The following WNT7B variants were observed in gnomAD, a reference collection of about 807,000 sequenced individuals.
WNT7B encodes the protein protein Wnt-7b.
A neutral mutation model predicts 38.2 loss-of-function variants in WNT7B; 19 were observed. The observed-to-expected ratio is 0.50, with a 90% CI of 0.35 to 0.73. The LOEUF (loss-of-function observed/expected upper bound fraction) is 0.73, where lower values mean the gene tolerates loss of function less well. Ranked by LOEUF, WNT7B falls within the 30% of genes least tolerant of loss-of-function variation. The pLI is 0.01. For missense variants in WNT7B, 423 were observed against 507.9 expected, an observed-to-expected ratio of 0.83 and a Z score of 1.61; for synonymous variants, 243 against 209.3, an observed-to-expected ratio of 1.16 and a Z score of -1.39.
At chr22:45,962,954 C>G (rs973839461) in intron 1 of WNT7B, among the ~76,000 whole-genome samples, 1 of 152,236 alleles carries the variant, frequency 6.6e-6, no homozygotes, top group Non-Finnish European at 1.5e-5. Context: ...GCGGCTGGGC[C>G]AGCGCCTCGG....
chr22:45,957,473 C>G (rs1022502340), intron 1 of WNT7B, among the ~76,000 whole-genome samples: 3 of 151,874 alleles, frequency 2.0e-5, no homozygotes, highest in East Asian at 1.9e-4. Context: ...CACCTAAGGT[C>G]AGGAGTTTGA....
chr22:45,972,037 G>A (rs573512932), intron 1 of WNT7B: 46 of 452,926 alleles, frequency 1.0e-4, no homozygotes, highest in Admixed American at 3.2e-4. Flanking sequence ...CGCGCGCGAC[G>A]GTCACCCGGT....
At chr22:45,925,779 C>G (rs1056009605) in intron 3 of WNT7B, 3 of 985,306 alleles carry the variant, frequency 3.0e-6, no homozygotes, top group Admixed American at 6.1e-5. Flanking sequence ...CTCGGAGTTC[C>G]CAGCCGGGAG....
chr22:45,924,940 G>GCA (rs1931035049), intron 3 of WNT7B, among the ~76,000 whole-genome samples: 3 of 104,368 alleles, frequency 2.9e-5, no homozygotes, highest in South Asian at 3.5e-4. Flanking sequence ...GGGTGGGCCT[G>GCA]AAGGCTCATC....
intron 2 of WNT7B, among the ~76,000 whole-genome samples, chr22:45,944,462 G>A (rs1184754769): frequency 1.3e-5 from 2 of 152,230 alleles, no homozygotes; most frequent in Non-Finnish European, 2.9e-5. Context: ...GGCTTGGGCA[G>A]CTTCGCCGCT....
intron 3 of WNT7B, among the ~76,000 whole-genome samples, chr22:45,927,811 G>T (rs770978043): frequency 6.6e-6 from 1 of 152,202 alleles, no homozygotes. Flanking sequence ...CAGGAGAATT[G>T]CTTGAACCCG....
intron 1 of WNT7B, among the ~76,000 whole-genome samples, chr22:45,971,510 C>T (rs1029781731): frequency 2.6e-5 from 4 of 152,202 alleles, no homozygotes; most frequent in African/African-American, 7.2e-5. Context: ...CCACGCTCCG[C>T]GCTCTCCCTT....
intron 2 of WNT7B, among the ~76,000 whole-genome samples, chr22:45,939,286 A>G (rs1442510368): frequency 1.3e-5 from 2 of 152,216 alleles, no homozygotes; most frequent in East Asian, 3.8e-4. Context: ...TGCCACTCCT[A>G]TGCATACACT....
rs1930952076 is a variant in WNT7B at position 45,922,339 on chromosome 22, C to A, written c.*517G>T. The A allele has an allele frequency of 6.4e-6, 1 of 157,228 alleles. No homozygotes were observed. Among genetic ancestry groups the A allele is most frequent in the African/African-American group, 2.4e-5 (1 of 41,544 alleles). 9.7% of individuals were successfully genotyped at this position (157,228 alleles called of 1,614,324 possible). On this transcript the variant is annotated 3_prime_UTR_variant, in exon 4 of 4. Coordinates refer to ENST00000339464, the MANE Select transcript of WNT7B (RefSeq NM_058238.3). Reference sequence around the variant, plus strand: ...CTGGCTATGTGTTAGTGCCGAGAATCCTCTTCTGATACTAAGAAAACATAA... The same window carrying A: ...CTGGCTATGTGTTAGTGCCGAGAATACTCTTCTGATACTAAGAAAACATAA...
intron 2 of WNT7B, among the ~76,000 whole-genome samples, chr22:45,935,660 C>T (rs1199099791): frequency 6.6e-6 from 1 of 152,198 alleles, no homozygotes; most frequent in Non-Finnish European, 1.5e-5. Flanking sequence ...CTGTACCTCC[C>T]ACCCATCGCT....
At chr22:45,942,378 G>C (rs941738766) in intron 2 of WNT7B, among the ~76,000 whole-genome samples, 1 of 152,234 alleles carries the variant, frequency 6.6e-6, no homozygotes, top group Admixed American at 6.5e-5. Flanking sequence ...CAGTCCCAGG[G>C]GGACAACTCA....
At chr22:45,974,348 G>A (rs1011033300) in intron 1 of WNT7B, among the ~76,000 whole-genome samples, 1 of 152,228 alleles carries the variant, frequency 6.6e-6, no homozygotes, top group African/African-American at 2.4e-5. Flanking sequence ...GGGCTTCCAG[G>A]TCATTTAACC....
rs960359459 is a variant in WNT7B at position 45,965,321 on chromosome 22, G to A, written c.71+11363C>T. Among the ~76,000 whole-genome samples the A allele has an allele frequency of 6.6e-6, 1 of 152,176 alleles. No homozygotes were observed. Among genetic ancestry groups the A allele is most frequent in the Non-Finnish European group, 1.5e-5 (1 of 68,030 alleles). On this transcript the variant is annotated intron_variant, in intron 1 of 3. Coordinates refer to ENST00000339464, the MANE Select transcript of WNT7B (RefSeq NM_058238.3). This position sits in a 1 kb window ranked among gnomAD's most constrained non-coding sequence, Gnocchi z 6.5. ...CCTGCTGTGGGTCCCACAGGGCTTTGTGTCAACGACGCTGGAAGGCAGGGC... is the reference window on the plus strand; with the variant it reads ...CCTGCTGTGGGTCCCACAGGGCTTTATGTCAACGACGCTGGAAGGCAGGGC...
chr22:45,936,002 C>G (rs549358661), intron 2 of WNT7B: 15 of 985,200 alleles, frequency 1.5e-5, no homozygotes, highest in African/African-American at 1.7e-5. Context: ...CAGGTCTGTA[C>G]CCCCAGATTC....
At chr22:45,934,230 G>T (rs1367316540) in intron 2 of WNT7B, among the ~76,000 whole-genome samples, 1 of 152,186 alleles carries the variant, frequency 6.6e-6, no homozygotes, top group African/African-American at 2.4e-5. Flanking sequence ...GCCTGGGGTC[G>T]GGGGCCCTGG....
chr22:45,931,657 G>C (rs1466252130), intron 2 of WNT7B, among the ~76,000 whole-genome samples: 1 of 152,176 alleles, frequency 6.6e-6, no homozygotes, highest in Non-Finnish European at 1.5e-5. Flanking sequence ...CCAGCATGCA[G>C]TGCTGCCGAC....
rs576867696 is a variant in WNT7B at position 45,934,223 on chromosome 22, T to G, written c.299-2854A>C. Among the ~76,000 whole-genome samples, 21 of 152,270 alleles carry G rather than the reference T, an allele frequency of 1.4e-4. 2 individuals are homozygous for G. The South Asian group carries it at 3.5e-3, about 26-fold the overall frequency. ...AAGGCTGACGGAGGAGCAAAGTGCCTGGGGTCGGGGGCCCTGGAAGGTCCT... is the reference window on the plus strand; with the variant it reads ...AAGGCTGACGGAGGAGCAAAGTGCCGGGGGTCGGGGGCCCTGGAAGGTCCT... On this transcript the variant is annotated intron_variant, in intron 2 of 3. Coordinates refer to ENST00000339464, the MANE Select transcript of WNT7B (RefSeq NM_058238.3).
chr22:45,925,906 C>A (rs1931068027), intron 3 of WNT7B: 1 of 985,226 alleles, frequency 1.0e-6, no homozygotes, highest in Non-Finnish European at 1.2e-6. Flanking sequence ...CCCAAGCTGC[C>A]CTCTAGTGCT....
chr22:45,954,049 A>T (rs998001628), intron 1 of WNT7B, among the ~76,000 whole-genome samples: 1 of 152,254 alleles, frequency 6.6e-6, no homozygotes, highest in Non-Finnish European at 1.5e-5. Flanking sequence ...AATGTGGTCC[A>T]TCTATACAAT....
Sources: gnomAD v4.1 joint callset for allele counts (sites outside exome capture counted in the v4.1 genomes callset) on GRCh38, gnomAD v4.1.1 for gene constraint, Gnocchi (gnomAD v3.1) non-coding constraint, MANE v1.5 for transcripts, NCBI Gene and HGNC (gene_info 2026-07-23, HGNC 2026-07-21) for gene names.